Variants in IMMP2L observed in about 807,000 individuals in gnomAD.
IMMP2L encodes the protein mitochondrial inner membrane protease subunit 2.
A neutral mutation model predicts 19.3 loss-of-function variants in IMMP2L; 18 were observed. The observed-to-expected ratio is 0.93, with a 90% CI of 0.64 to 1.38. The LOEUF is 1.38. Among genes scored for constraint, IMMP2L ranks in the 40% most tolerant of loss-of-function variants. IMMP2L has a pLI of 0.00. For missense variants in IMMP2L, 233 were observed against 218.2 expected, an observed-to-expected ratio of 1.07 and a Z score of -0.43; for synonymous variants, 76 against 73.0, an observed-to-expected ratio of 1.04 and a Z score of -0.21.
chr7:111,072,137 A>G (rs1586083138), intron 3 of IMMP2L, among the ~76,000 whole-genome samples: 1 of 152,318 alleles, frequency 6.6e-6, no homozygotes, highest in East Asian at 1.9e-4. Context: ...ACAAGAAGGG[A>G]GAAGAGAAAG....
At chr7:110,729,357 C>CA (rs1220790532) in intron 5 of IMMP2L, among the ~76,000 whole-genome samples, 4 of 152,264 alleles carry the variant, frequency 2.6e-5, no homozygotes, top group Non-Finnish European at 5.9e-5. Flanking sequence ...TGGCAGGAGA[C>CA]AGACAGCGCA....
intron 5 of IMMP2L, among the ~76,000 whole-genome samples, chr7:110,762,547 A>G (rs1798412935): frequency 6.6e-6 from 1 of 152,224 alleles, no homozygotes; most frequent in African/African-American, 2.4e-5. Context: ...TTGCTTCAAA[A>G]TCTTGTATTT....
At chr7:111,025,015 T>C (rs1225263978) in intron 3 of IMMP2L, among the ~76,000 whole-genome samples, 6 of 152,198 alleles carry the variant, frequency 3.9e-5, no homozygotes, top group Non-Finnish European at 8.8e-5. Flanking sequence ...TACCAAATTA[T>C]CAGATTCTCC....
chr7:111,004,292 G>A (rs539429082), intron 3 of IMMP2L, among the ~76,000 whole-genome samples: 5 of 152,074 alleles, frequency 3.3e-5, no homozygotes, highest in South Asian at 2.1e-4. Context: ...ATCCTCCCCC[G>A]CTCAGCCTCC....
In IMMP2L at chr7:111,351,402, GCTGGT is replaced by G. The variant is rs559708286; in HGVS notation, c.239+135831_239+135835del. The stretch of plus-strand genomic sequence containing the variant: ...GACGGGGTTTCACCATGTTGACCAG[GCTGGT>G]CTTGAACTCCTGACCTCGTGATCTG... On this transcript the variant is annotated intron_variant, in intron 3 of 5. Transcript: ENST00000405709. Among the ~76,000 whole-genome samples, 29 of 152,190 alleles carry G rather than the reference GCTGGT, an allele frequency of 1.9e-4. No homozygotes were observed. The South Asian group carries it at 6.0e-3, about 32-fold the overall frequency.
At chr7:110,744,242 C>T (rs1032483083) in intron 5 of IMMP2L, among the ~76,000 whole-genome samples, 1 of 152,296 alleles carries the variant, frequency 6.6e-6, no homozygotes, top group Admixed American at 6.5e-5. Flanking sequence ...AGGCAGCAGC[C>T]CCAGTCAGGG....
At chr7:111,471,358 A>G (rs1304098837) in intron 3 of IMMP2L, among the ~76,000 whole-genome samples, 3 of 152,058 alleles carry the variant, frequency 2.0e-5, no homozygotes, top group Admixed American at 6.6e-5. Flanking sequence ...GGAGAAAACA[A>G]AAGGTAATTA....
At chr7:111,001,655 C>T (rs556286057) in intron 3 of IMMP2L, among the ~76,000 whole-genome samples, 2 of 152,152 alleles carry the variant, frequency 1.3e-5, no homozygotes, top group South Asian at 2.1e-4. Flanking sequence ...TGTCAAAATC[C>T]TTCACTGCTA....
intron 5 of IMMP2L, among the ~76,000 whole-genome samples, chr7:110,670,698 A>AC (rs1791844202): frequency 6.6e-6 from 1 of 151,228 alleles, no homozygotes; most frequent in African/African-American, 2.4e-5. Context: ...TCAAAAAAAA[A>AC]AAAAAACAAA....
At chr7:110,911,759 A>T (rs1283512242) in intron 4 of IMMP2L, among the ~76,000 whole-genome samples, 1 of 152,136 alleles carries the variant, frequency 6.6e-6, no homozygotes, top group East Asian at 1.9e-4. Flanking sequence ...ACCCATATTT[A>T]TCAAGGAAGA....
chr7:111,220,491 T>G (rs544042138), intron 3 of IMMP2L, among the ~76,000 whole-genome samples: 4 of 152,106 alleles, frequency 2.6e-5, no homozygotes, highest in African/African-American at 7.2e-5. Context: ...TTTATTATAT[T>G]AAATGCAAGA....
intron 3 of IMMP2L, among the ~76,000 whole-genome samples, chr7:111,464,352 G>A (rs1840415449): frequency 6.6e-6 from 1 of 152,156 alleles, no homozygotes; most frequent in East Asian, 1.9e-4. Flanking sequence ...GCATGGTAGT[G>A]TTGACCTGCA....
intron 4 of IMMP2L, among the ~76,000 whole-genome samples, chr7:110,928,351 GCACACA>G (rs58639346): frequency 0.29 from 33,380 of 116,752 alleles, 4,717 homozygotes; most frequent in South Asian, 0.45. Context: ...ATATGTACCT[GCACACA>G]CACACACACA....
At position 111,487,312 on chromosome 7, in the gene IMMP2L, T is replaced by A. The variant is rs1314442666; in HGVS notation, c.165A>T (p.Ser55=). 1.2e-6 allele frequency: 2 copies of A among 1,608,740 alleles called. No homozygotes were observed. The highest frequency in any genetic ancestry group is 1.3e-5 in the African/African-American group (1 of 74,838). Residue 55 remains serine (S), a synonymous_variant, in exon 3 of 6, where the codon TCA becomes TCT. Coordinates refer to ENST00000405709, the MANE Select transcript of IMMP2L (RefSeq NM_032549.4). ...AGTGGTTCAAAAGCACCACATCAGA[T>A]GACTGGCTCCCCCCAGGATTCAAAG... ...QPSLNPGGSQ[S]SDVVLLNHWK...
chr7:111,514,522 A>T (rs1286339684), intron 2 of IMMP2L, among the ~76,000 whole-genome samples: 2 of 151,958 alleles, frequency 1.3e-5, no homozygotes, highest in Admixed American at 6.6e-5. Context: ...GTATAATAAA[A>T]ATATATATAT....
At chr7:111,480,240 C>T (rs1307709778) in intron 3 of IMMP2L, among the ~76,000 whole-genome samples, 3 of 151,720 alleles carry the variant, frequency 2.0e-5, no homozygotes, top group African/African-American at 4.8e-5. Flanking sequence ...CCCACCACCA[C>T]GCCCAGCTAA....
At chr7:111,204,088 T>G (rs1353249176) in intron 3 of IMMP2L, among the ~76,000 whole-genome samples, 1 of 152,204 alleles carries the variant, frequency 6.6e-6, no homozygotes, top group Non-Finnish European at 1.5e-5. Context: ...CCTTTTATAG[T>G]ATCTACATTT....
chr7:110,678,789 C>A (rs999739501), intron 5 of IMMP2L, among the ~76,000 whole-genome samples: 1 of 152,078 alleles, frequency 6.6e-6, no homozygotes, highest in African/African-American at 2.4e-5. Flanking sequence ...ATATCCCTTG[C>A]CAGATTTTTA....
chr7:111,083,330 T>C (rs1796041014), intron 3 of IMMP2L, among the ~76,000 whole-genome samples: 1 of 152,174 alleles, frequency 6.6e-6, no homozygotes, highest in Admixed American at 6.5e-5. Flanking sequence ...GGAATAATGA[T>C]TTATAGATAC....
Sources: gnomAD v4.1 joint callset for allele counts (sites outside exome capture counted in the v4.1 genomes callset) on GRCh38, gnomAD v4.1.1 for gene constraint, MANE v1.5 for transcripts, NCBI Gene and HGNC (gene_info 2026-07-23, HGNC 2026-07-21) for gene names.